NOD1: variants seen among roughly 807,000 people sequenced by gnomAD.
NOD1 encodes the protein nucleotide binding oligomerization domain containing 1.
NOD1 carries 70 observed loss-of-function variants against 81.2 expected under a neutral mutation model. The observed-to-expected ratio is 0.86, with a 90% confidence interval of 0.71 to 1.05. The LOEUF (loss-of-function observed/expected upper bound fraction) is 1.05, where lower values mean the gene tolerates loss of function less well. NOD1 is among the 50% of genes least tolerant of loss of function. The probability of loss-of-function intolerance (pLI) is 0.00; values close to 1 mark genes in which losing one functional copy is unlikely to be tolerated. For missense variants in NOD1, 1,233 were observed against 1,228.0 expected (o/e 1.00, Z -0.06); for synonymous variants, 508 against 526.9 (o/e 0.96, Z 0.49).
intron 13 of NOD1, 112 bp from the exon 14 acceptor site, chr7:30,425,822 T>C: frequency 2.6e-6 from 2 of 779,980 alleles, no homozygotes; most frequent in Non-Finnish European, 4.6e-6. Context: ...AATACACATG[T>C]ATCCCTGAAA....
chr7:30,475,532 T>C (rs1295777592), intron 1 of NOD1, among the ~76,000 whole-genome samples: 1 of 152,222 alleles, frequency 6.6e-6, no homozygotes, highest in Non-Finnish European at 1.5e-5. Context: ...CAAAATTGCC[T>C]TGTTGGCTCT....
rs191649596 is a variant in NOD1, at chr7:30,453,128, C to A, written c.377-88G>T. The A allele has an allele frequency of 1.9e-5, 27 of 1,432,632 alleles. No homozygotes were observed. In the Middle Eastern group the frequency reaches 7.6e-4, roughly 40 times the overall value. The allele number at this position is 1,432,632 out of a possible 1,614,324, so 88.7% of individuals were successfully genotyped here. A position where few individuals can be genotyped will look rare whatever the true frequency, so the allele number is the denominator to read the frequency against. Reference sequence around the variant, plus strand: ...ACAGGGAGGTCTCAAAGAGGAGAGGCGAGTGCATAAACAAAATTCACAACC... The same window carrying A: ...ACAGGGAGGTCTCAAAGAGGAGAGGAGAGTGCATAAACAAAATTCACAACC... On this transcript the variant is annotated intron_variant, in intron 5 of 13. Transcript: ENST00000222823.
Position 30,478,590 on chromosome 7 carries a change from A to G in NOD1, c.-352+16T>C, listed in dbSNP as rs1297257784. On this transcript the variant is annotated intron_variant, in intron 1 of 13. Transcript: ENST00000222823. This position sits in a 1 kb window ranked among gnomAD's most constrained non-coding sequence, Gnocchi z 4.1. ...AAGGGCCTGCCCCGCGCGAATCCCC[A>G]GTCGCTGGGACTTACTTGGCCACCA... is the stretch of plus-strand genomic sequence containing the variant. The G allele has an allele frequency of 6.6e-6, 1 of 152,272 alleles. No individual in the cohort carries two copies. The highest frequency in any genetic ancestry group is 1.5e-5 in the Non-Finnish European group (1 of 68,144). 9.4% of individuals were successfully genotyped at this position (152,272 alleles called of 1,614,324 possible).
chr7:30,437,168 G>C (rs575763541), intron 10 of NOD1, among the ~76,000 whole-genome samples: 1 of 151,658 alleles, frequency 6.6e-6, no homozygotes, highest in Non-Finnish European at 1.5e-5. Context: ...AGTGGGAGTT[G>C]AACAATGAGA....
At chr7:30,475,457 A>G (rs1370602189) in intron 1 of NOD1, among the ~76,000 whole-genome samples, 3 of 152,274 alleles carry the variant, frequency 2.0e-5, no homozygotes, top group African/African-American at 4.8e-5. Flanking sequence ...AGGACGCTTC[A>G]GTAAAACAAA....
chr7:30,448,291 G>C lies in NOD1; in HGVS notation c.2285+7C>G, dbSNP rs1785322142. On this transcript the variant is annotated splice_region_variant and intron_variant, in intron 7 of 13. Coordinates refer to ENST00000222823, the MANE Select transcript of NOD1 (RefSeq NM_006092.4). ...TAGTTGGCCCAGTGTTCTGGAGAAA[G>C]ACATACCCCAAATAGGTCACAATTT... 1.2e-6 allele frequency: 2 copies of C among 1,610,050 alleles called. No homozygotes were observed. The highest frequency in any genetic ancestry group is 1.3e-5 in the African/African-American group (1 of 74,850).
At chr7:30,458,360 C>CAG (rs58364687) in intron 3 of NOD1, among the ~76,000 whole-genome samples, 11,857 of 151,894 alleles carry the variant, frequency 0.078, 559 homozygotes, top group Admixed American at 0.12. Flanking sequence ...TCATGCATTT[C>CAG]AGAGAGAGAG....
chr7:30,434,939 GTT>G (rs750419135), intron 11 of NOD1, among the ~76,000 whole-genome samples: 1 of 144,772 alleles, frequency 6.9e-6, no homozygotes. Flanking sequence ...TGTAAGGAAT[GTT>G]TTTTTTTTTT....
chr7:30,474,937 C>T (rs1788626630), intron 1 of NOD1, among the ~76,000 whole-genome samples: 1 of 152,208 alleles, frequency 6.6e-6, no homozygotes, highest in South Asian at 2.1e-4. Flanking sequence ...AAATGACCCA[C>T]TCACTGAAGG....
chr7:30,471,556 C>T (rs373029048), intron 1 of NOD1, among the ~76,000 whole-genome samples: 8 of 148,540 alleles, frequency 5.4e-5, no homozygotes, highest in African/African-American at 1.7e-4. Flanking sequence ...CCCTGGGTCT[C>T]TCAAGTGCAC....
intron 9 of NOD1, among the ~76,000 whole-genome samples, chr7:30,439,488 G>A (rs1242934575): frequency 7.4e-6 from 1 of 135,918 alleles, no homozygotes; most frequent in East Asian, 2.1e-4. Flanking sequence ...TCAAAGAAAG[G>A]GGTGACGGAC....
At position 30,433,112 on chromosome 7, in the gene NOD1, T is replaced by A. The variant is rs972476413; in HGVS notation, c.2689A>T (p.Thr897Ser). ...CTGAGTTACCATAAATGCTTTAACG[T>A]CTGGTTGACTTTCAACATTTCTGCC... ...SLAEMLKVNQ[T>S]LKHLWLIQNQ... Residue 897 changes from threonine (T) to serine (S), a missense_variant, in exon 12 of 14, where the codon ACG becomes TCG. Transcript: ENST00000222823. 6.2e-7 allele frequency: 1 copy of A among 1,613,238 alleles called. No homozygotes were observed. Among genetic ancestry groups the A allele is most frequent in the Non-Finnish European group, 8.5e-7 (1 of 1,179,128 alleles).
rs1193213169 is a variant in NOD1 at position 30,446,201 on chromosome 7, C to T, written c.2393G>A (p.Ser798Asn). 5.6e-6 allele frequency: 9 copies of T among 1,614,156 alleles called. No homozygotes were observed. The highest frequency in any genetic ancestry group is 2.2e-5 in the East Asian group (1 of 44,888). Residue 798 changes from serine to asparagine, a missense_variant, in exon 9 of 14, where the codon AGT becomes AAT. Transcript: ENST00000222823. Reference protein sequence around the residue: ...HLKLGKNKITSEGGKYLALAV... With the variant: ...HLKLGKNKITNEGGKYLALAV... ...CAGGGCGAGATACTTCCCTCCTTCA[C>T]TTGTTATTTTGTTTTTTCCCAGTCT...
chr7:30,451,817 T>C lies in NOD1; in HGVS notation c.1600A>G (p.Arg534Gly). The C allele has an allele frequency of 6.2e-7, 1 of 1,613,640 alleles. No individual in the cohort carries two copies. The highest frequency in any genetic ancestry group is 8.5e-7 in the Non-Finnish European group (1 of 1,179,924). ...CTGAGCAGCTCCTGAGTGCCCACCC[T>C]GTCGTCCAGCACGAGGAAGAAGGCT... ...FTAFFLVLDD[R>G]VGTQELLRFF... The change falls in exon 6 of 14, where the codon AGG becomes GGG. Residue 534 changes from arginine (R) to glycine (G), a missense_variant. Arg to Gly is a moderately radical substitution (Grantham distance 125). Coordinates refer to ENST00000222823, the MANE Select transcript of NOD1 (RefSeq NM_006092.4). This position sits in a 1 kb window ranked among gnomAD's most constrained non-coding sequence, Gnocchi z 4.2.
chr7:30,460,470 G>A (rs920466488), intron 1 of NOD1: 23 of 985,316 alleles, frequency 2.3e-5, no homozygotes, highest in Non-Finnish European at 2.8e-5. Context: ...CCTGGGTGGA[G>A]CTTTCCCAGG....
chr7:30,465,014 C>T (rs1787535941), intron 1 of NOD1, among the ~76,000 whole-genome samples: 1 of 152,184 alleles, frequency 6.6e-6, no homozygotes. Context: ...CCTGCCCTCA[C>T]AGAGTTTACA....
chr7:30,454,531 C>T (rs1786140338), intron 5 of NOD1, among the ~76,000 whole-genome samples: 1 of 152,218 alleles, frequency 6.6e-6, no homozygotes, highest in African/African-American at 2.4e-5. Flanking sequence ...TTGAACTAAT[C>T]AGTTAACTGA....
intron 6 of NOD1, among the ~76,000 whole-genome samples, chr7:30,450,082 T>C (rs1335898321): frequency 6.6e-6 from 1 of 152,144 alleles, no homozygotes; most frequent in Admixed American, 6.5e-5. Flanking sequence ...TAATCCCAGC[T>C]ACTCAGGAGG....
At chr7:30,447,219 C>T in intron 7 of NOD1, 169 bp from the exon 8 acceptor site, 2 of 1,050,700 alleles carry the variant, frequency 1.9e-6, no homozygotes, top group Non-Finnish European at 2.9e-6. Context: ...GGTTCAAAAC[C>T]AGCTCCACTA....
Sources: allele counts gnomAD v4.1 joint callset (sites outside exome capture counted in the v4.1 genomes callset), GRCh38; gene constraint gnomAD v4.1.1; non-coding constraint Gnocchi (gnomAD v3.1); transcripts MANE v1.5; gene names NCBI Gene and HGNC (gene_info 2026-07-23, HGNC 2026-07-21).